Variants in WNT2B observed in about 807,000 individuals in gnomAD.
WNT2B encodes protein Wnt-2b.
WNT2B carries 19 observed loss-of-function variants against 40.5 expected under a neutral mutation model. The ratio of observed to expected loss-of-function variants is 0.47; its 90% confidence interval spans 0.33 to 0.69. The LOEUF (loss-of-function observed/expected upper bound fraction) is 0.69. Among genes scored for constraint, WNT2B ranks in the 30% least tolerant of loss-of-function variants. The pLI is 0.02. For missense variants in WNT2B, 467 were observed against 556.4 expected (o/e 0.84, Z 1.62); for synonymous variants, 220 against 211.9 (o/e 1.04, Z -0.33).
At chr1:112,504,999 C>G (rs115560179), upstream of WNT2B, among the ~76,000 whole-genome samples, 2 of 152,226 alleles carry the variant, frequency 1.3e-5, no homozygotes, top group Non-Finnish European at 2.9e-5. Flanking sequence ...CATTCAGCCA[C>G]GCATAGCTGA....
rs1652804624 is a variant in WNT2B at position 112,520,366 on chromosome 1, G to A, written c.1033G>A (p.Asp345Asn). ...AATCATGTGCTGTGGCCGAGGGTAC[G>A]ACACAACTCGAGTCACCCGTGTTAC... ...CEIMCCGRGYDTTRVTRVTQC... is the reference protein window; with the variant it reads ...CEIMCCGRGYNTTRVTRVTQC... The change falls in exon 5 of 5, where the codon GAC becomes AAC. Residue 345 changes from aspartate (D) to asparagine (N), a missense_variant. Physicochemically the swap from Asp to Asn is conservative, Grantham distance 23 (BLOSUM62 1). This residue lies in a region of WNT2B where 330 missense variants were observed against 438.6 expected (regional missense o/e 0.75). Coordinates refer to ENST00000369684, the MANE Select transcript of WNT2B (RefSeq NM_024494.3). 10 of 1,613,978 alleles carry A rather than the reference G, an allele frequency of 6.2e-6. No individual in the cohort carries two copies. Among genetic ancestry groups the A allele is most frequent in the Non-Finnish European group, 7.6e-6 (9 of 1,180,022 alleles).
At chr1:112,505,560 G>A (rs776190263), upstream of WNT2B, among the ~76,000 whole-genome samples, 4 of 152,214 alleles carry the variant, frequency 2.6e-5, no homozygotes, top group Non-Finnish European at 5.9e-5. Context: ...GAGCTAGCTT[G>A]AGCCTCTGGC....
At chr1:112,485,489 GA>G (rs1651387789) in intron 1 of WNT2B, among the ~76,000 whole-genome samples, 2 of 150,004 alleles carry the variant, frequency 1.3e-5, no homozygotes, top group Non-Finnish European at 3.0e-5. Context: ...TTATGGTCAT[GA>G]AGACTACGTT....
chr1:112,517,004 C>T (rs1011666313), intron 3 of WNT2B, 117 bp from the exon 4 acceptor site: 54 of 1,391,508 alleles, frequency 3.9e-5, no homozygotes, highest in Admixed American at 8.6e-5. Context: ...AGAGCTCAAT[C>T]GGCCAGCCAG....
intron 4 of WNT2B, chr1:112,518,319 C>T (rs924629022): frequency 2.0e-5 from 3 of 152,178 alleles, no homozygotes; most frequent in East Asian, 1.9e-4. Context: ...GGCTCCCAGG[C>T]TCTTTTCTAC....
Position 112,516,358 on chromosome 1 carries a change from A to G in WNT2B, c.622A>G (p.Lys208Glu). 6.2e-7 allele frequency: 1 copy of G among 1,613,874 alleles called. No individual in the cohort carries two copies. The highest frequency in any genetic ancestry group is 1.7e-5 in the Admixed American group (1 of 59,996). ...CAAGGCCTTCGTGGATGCCAAGGAG[A>G]AGAGGCTTAAGGATGCCCGGGCCCT... ...FAKAFVDAKEKRLKDARALMN... is the reference protein window; with the variant it reads ...FAKAFVDAKEERLKDARALMN... Residue 208 changes from lysine (K) to glutamate (E), a missense_variant, in exon 3 of 5, where the codon AAG (lysine) becomes GAG (glutamate). Physicochemically the swap from Lys to Glu is moderately conservative, Grantham distance 56 (BLOSUM62 1). Around this residue, in one of 2 missense-constraint regions of WNT2B, gnomAD observed 330 missense variants for 438.6 expected, o/e 0.75. Coordinates refer to ENST00000369684, the MANE Select transcript of WNT2B (RefSeq NM_024494.3).
At chr1:112,490,897 C>T in intron 1 of WNT2B, 2 of 1,039,680 alleles carry the variant, frequency 1.9e-6, no homozygotes, top group Non-Finnish European at 2.9e-6. Context: ...GAAAGATCCC[C>T]CCTGGATTCC....
chr1:112,499,714 T>C (rs1651888103), intron 1 of WNT2B, among the ~76,000 whole-genome samples: 1 of 152,220 alleles, frequency 6.6e-6, no homozygotes, highest in African/African-American at 2.4e-5. Flanking sequence ...AATCAGAGTG[T>C]TATCATTGCA....
At position 112,525,896 on chromosome 1, in the gene WNT2B, C is replaced by A; in HGVS notation, c.*5387C>A. 7.2e-7 allele frequency: 1 copy of A among 1,382,628 alleles called. No individual in the cohort carries two copies. Among genetic ancestry groups the A allele is most frequent in the Non-Finnish European group, 9.7e-7 (1 of 1,033,146 alleles). The allele number at this position is 1,382,628 out of a possible 1,614,324, so 85.6% of individuals were successfully genotyped here. ...AAGAAGCTTTTTCATATGCAAAATG[C>A]TTTAGCATATATGTAATCCTCACAA... On this transcript the variant is annotated 3_prime_UTR_variant, in exon 5 of 5. Coordinates refer to ENST00000369684, the MANE Select transcript of WNT2B (RefSeq NM_024494.3).
At chr1:112,498,805 C>G (rs766145110) in intron 1 of WNT2B, among the ~76,000 whole-genome samples, 1 of 152,170 alleles carries the variant, frequency 6.6e-6, no homozygotes, top group Non-Finnish European at 1.5e-5. Flanking sequence ...CTCTTCTTTT[C>G]TGATCCTTTA....
At chr1:112,518,867 T>C (rs369461425) in intron 4 of WNT2B, among the ~76,000 whole-genome samples, 9 of 152,356 alleles carry the variant, frequency 5.9e-5, no homozygotes, top group Admixed American at 2.0e-4. Flanking sequence ...TTGAACTTTC[T>C]GTGATGATAG....
chr1:112,488,534 CCTT>C (rs1489637660), intron 1 of WNT2B, among the ~76,000 whole-genome samples: 1 of 151,320 alleles, frequency 6.6e-6, no homozygotes, highest in Non-Finnish European at 1.5e-5. Flanking sequence ...AAGACTCCTT[CCTT>C]CTTTATTTAC....
chr1:112,481,165 G>A (rs1190759603), intron 1 of WNT2B, among the ~76,000 whole-genome samples: 11 of 128,840 alleles, frequency 8.5e-5, no homozygotes, highest in East Asian at 2.4e-4. Flanking sequence ...GCAAAATTTC[G>A]TCTCAAAAAA....
chr1:112,520,139 T>G lies in WNT2B; in HGVS notation c.947-141T>G, dbSNP rs112227982. The G allele has an allele frequency of 0.013, 9,794 of 760,670 alleles. 705 individuals carry two copies. In the African/African-American group the frequency reaches 0.15, roughly 12 times the overall value. 47.1% of individuals were successfully genotyped at this position (760,670 alleles called of 1,614,324 possible). A position where few individuals can be genotyped will look rare whatever the true frequency, so the allele number is the denominator to read the frequency against. Reference sequence around the variant, plus strand: ...CTTCTGCCTTGGCCTTCCAAAATGCTGGGATGATAGGCATGAGTGAGCCAC... The same window carrying G: ...CTTCTGCCTTGGCCTTCCAAAATGCGGGGATGATAGGCATGAGTGAGCCAC... On this transcript the variant is annotated intron_variant, in intron 4 of 4. Transcript: ENST00000369684.
chr1:112,519,872 CT>C (rs71081244), intron 4 of WNT2B, among the ~76,000 whole-genome samples: 22,712 of 115,412 alleles, frequency 0.2, 1,658 homozygotes, highest in East Asian at 0.42. Flanking sequence ...GCCCATGCTT[CT>C]TTTTTTTTTT....
chr1:112,488,156 G>A (rs1277067833), intron 1 of WNT2B, among the ~76,000 whole-genome samples: 1 of 152,020 alleles, frequency 6.6e-6, no homozygotes, highest in African/African-American at 2.4e-5. Flanking sequence ...AATTAGCTGG[G>A]CAGGGTGGTG....
At position 112,483,779 on chromosome 1, in the gene WNT2B, CAA is replaced by C. The variant is rs71081241; in HGVS notation, c.-95+16200_-95+16201del. On this transcript the variant is annotated intron_variant, in intron 1 of 4. Transcript: ENST00000256640. ...ATAAGGAACTCATACAACTGAATAA[CAA>C]AAAAAAAAAAAGAAAGAGAGAATAA... is the stretch of plus-strand genomic sequence containing the variant. Among the ~76,000 whole-genome samples, 184 of 128,574 alleles carry C rather than the reference CAA, an allele frequency of 1.4e-3. 1 individual carries two copies. Among genetic ancestry groups the C allele is most frequent in the South Asian group, 5.5e-3 (24 of 4,328 alleles). 84.3% of individuals were successfully genotyped at this position (128,574 alleles called of 152,430 possible). A position where few individuals can be genotyped will look rare whatever the true frequency, so the allele number is the denominator to read the frequency against.
intron 1 of WNT2B, among the ~76,000 whole-genome samples, chr1:112,488,203 C>T (rs926115810): frequency 6.6e-6 from 1 of 151,866 alleles, no homozygotes; most frequent in African/African-American, 2.4e-5. Context: ...GAGGCTGAGG[C>T]TGGAGAATTA....
chr1:112,516,779 C>T (rs1652568410), intron 3 of WNT2B, among the ~76,000 whole-genome samples: 1 of 152,166 alleles, frequency 6.6e-6, no homozygotes, highest in Non-Finnish European at 1.5e-5. Context: ...AAATGGCACA[C>T]CACTAAAGTA....
Sources: allele counts gnomAD v4.1 joint callset (sites outside exome capture counted in the v4.1 genomes callset), GRCh38; gene constraint gnomAD v4.1.1; regional missense constraint gnomAD v4.1.1; transcripts MANE v1.5; gene names NCBI Gene and HGNC (gene_info 2026-07-23, HGNC 2026-07-21).